Variants in MAP4K4 observed in about 807,000 individuals in gnomAD.
The protein encoded by MAP4K4 is HPK/GCK-like kinase HGK.
In MAP4K4, 38 loss-of-function variants were observed where a neutral mutation model predicts 189.6. That is an observed-to-expected ratio of 0.20 (90% confidence interval 0.15 to 0.26). The LOEUF is 0.26. Among genes scored for constraint, MAP4K4 ranks in the 10% least tolerant of loss-of-function variants. The pLI is 1.00. For synonymous variants in MAP4K4, 610 were observed against 624.3 expected (o/e 0.98, Z 0.34); for missense variants, 1,054 against 1,726.9 (o/e 0.61, Z 6.91).
At chr2:101,736,528 A>G (rs1024871904) in intron 2 of MAP4K4, among the ~76,000 whole-genome samples, 1 of 152,206 alleles carries the variant, frequency 6.6e-6, no homozygotes. Context: ...TTAGTAATGG[A>G]GAGGGATCAC....
At chr2:101,843,102 GT>G (rs1316153786) in intron 11 of MAP4K4, among the ~76,000 whole-genome samples, 1 of 152,210 alleles carries the variant, frequency 6.6e-6, no homozygotes, top group Non-Finnish European at 1.5e-5. Flanking sequence ...TACAGTCTGT[GT>G]TTTAGTTTAT....
chr2:101,709,330 G>A (rs2044126199), intron 2 of MAP4K4, among the ~76,000 whole-genome samples: 1 of 152,198 alleles, frequency 6.6e-6, no homozygotes, highest in South Asian at 2.1e-4. Context: ...AGACTCCCAA[G>A]TAGCTGAGAT....
At chr2:101,860,723 C>A in intron 15 of MAP4K4, 102 bp from the exon 16 acceptor site, 1 of 1,017,040 alleles carries the variant, frequency 9.8e-7, no homozygotes, top group Non-Finnish European at 1.4e-6. Flanking sequence ...CAGAAGAAAA[C>A]AGAAAACTTA....
chr2:101,715,197 G>A (rs1207189212), intron 2 of MAP4K4, among the ~76,000 whole-genome samples: 1 of 152,134 alleles, frequency 6.6e-6, no homozygotes, highest in Non-Finnish European at 1.5e-5. Context: ...CTTGCCTTTT[G>A]TGCACCCCTC....
At chr2:101,752,103 G>A (rs2149992450) in intron 2 of MAP4K4, among the ~76,000 whole-genome samples, 1 of 152,284 alleles carries the variant, frequency 6.6e-6, no homozygotes, top group Middle Eastern at 3.4e-3. Flanking sequence ...CGGTGTTTCA[G>A]TTCCCTATTT....
At chr2:101,736,371 T>TG (rs1397033331) in intron 2 of MAP4K4, among the ~76,000 whole-genome samples, 3 of 152,216 alleles carry the variant, frequency 2.0e-5, no homozygotes, top group Non-Finnish European at 4.4e-5. Flanking sequence ...CTTGCCCATC[T>TG]CCTGCCTGCC....
intron 2 of MAP4K4, among the ~76,000 whole-genome samples, chr2:101,752,527 A>G (rs2069644730): frequency 6.6e-6 from 1 of 152,156 alleles, no homozygotes; most frequent in African/African-American, 2.4e-5. Flanking sequence ...ATCATAGCTA[A>G]GCTCACCCTG....
At position 101,868,018 on chromosome 2, in the gene MAP4K4, C is replaced by G. The variant is rs1170590932; in HGVS notation, c.2455-11C>G. The G allele has an allele frequency of 1.9e-6, 3 of 1,613,366 alleles. No individual in the cohort carries two copies. The highest frequency in any genetic ancestry group is 2.2e-5 in the East Asian group (1 of 44,872). On this transcript the variant is annotated splice_polypyrimidine_tract_variant and intron_variant, in intron 20 of 32. Coordinates refer to ENST00000324219, the Ensembl canonical transcript of MAP4K4. ...GCTTCTCGGACTCCACGAAACTGCG[C>G]TGTACTGAAGGGCGAAGTGGTAAGC...
At chr2:101,879,058 G>T (rs1327213425) in intron 27 of MAP4K4, among the ~76,000 whole-genome samples, 2 of 151,856 alleles carry the variant, frequency 1.3e-5, no homozygotes, top group Non-Finnish European at 2.9e-5. Context: ...GACCAGGTGC[G>T]GTGGCGTATG....
At chr2:101,771,868 A>G (rs555179625) in intron 2 of MAP4K4, among the ~76,000 whole-genome samples, 1 of 152,328 alleles carries the variant, frequency 6.6e-6, no homozygotes, top group South Asian at 2.1e-4. Flanking sequence ...CAAAATCCCT[A>G]CATAATTTGC....
chr2:101,779,974 C>G (rs72989333), intron 2 of MAP4K4, among the ~76,000 whole-genome samples: 1 of 152,066 alleles, frequency 6.6e-6, no homozygotes, highest in Admixed American at 6.6e-5. Flanking sequence ...TCTTCTAAAC[C>G]GTGCTACTGG....
At chr2:101,810,946 T>C (rs1157594874) in intron 3 of MAP4K4, among the ~76,000 whole-genome samples, 1 of 152,220 alleles carries the variant, frequency 6.6e-6, no homozygotes, top group Non-Finnish European at 1.5e-5. Flanking sequence ...GACGGTGCCT[T>C]ATGCACACTG....
At chr2:101,833,249 C>A (rs1031682922) in intron 7 of MAP4K4, among the ~76,000 whole-genome samples, 127 of 152,158 alleles carry the variant, frequency 8.3e-4, no homozygotes, top group African/African-American at 2.9e-3. Flanking sequence ...GTTAAGATAG[C>A]ATATAAACAA....
chr2:101,805,074 A>C (rs1471593101), intron 3 of MAP4K4, among the ~76,000 whole-genome samples: 1 of 79,918 alleles, frequency 1.3e-5, no homozygotes, highest in African/African-American at 1.0e-4. Context: ...CTCCAGATCA[A>C]AAAAAAAAAA....
chr2:101,792,466 CTCT>C (rs1317660186), intron 3 of MAP4K4, among the ~76,000 whole-genome samples: 7 of 152,122 alleles, frequency 4.6e-5, no homozygotes, highest in African/African-American at 1.7e-4. Flanking sequence ...CTCTGTAGAG[CTCT>C]TCTTCACCGA....
At chr2:101,858,491 A>G (rs181272616) in intron 13 of MAP4K4, among the ~76,000 whole-genome samples, 1 of 152,180 alleles carries the variant, frequency 6.6e-6, no homozygotes, top group African/African-American at 2.4e-5. Context: ...TAGTCATTCC[A>G]GGTGCCTTTG....
intron 2 of MAP4K4, among the ~76,000 whole-genome samples, chr2:101,706,550 A>G (rs558505469): frequency 9.8e-5 from 15 of 152,366 alleles, no homozygotes; most frequent in African/African-American, 3.4e-4. Context: ...AAAAGGTATA[A>G]CAAATGCCTA....
chr2:101,790,647 T>C lies in MAP4K4; in HGVS notation c.124-73T>C. 1.2e-5 allele frequency: 13 copies of C among 1,054,266 alleles called. 1 individual carries two copies. In the South Asian group the frequency reaches 1.7e-4, roughly 14 times the overall value. 65.3% of individuals were successfully genotyped at this position (1,054,266 alleles called of 1,614,324 possible). ...AGTTGAGATACGATTTGTTGGAAACTTCAGCCATTTTGTTCTAATGATTGT... is the reference window on the plus strand; with the variant it reads ...AGTTGAGATACGATTTGTTGGAAACCTCAGCCATTTTGTTCTAATGATTGT... On this transcript the variant is annotated intron_variant, in intron 2 of 32. Transcript: ENST00000324219.
At chr2:101,869,640 A>G (rs2150017898) in exon 22 of MAP4K4, 1 of 1,610,376 alleles carries the variant, frequency 6.2e-7, no homozygotes, top group East Asian at 2.2e-5. Context: ...CGCACTGGCC[A>G]AAGAGCTTCG....
Sources: allele counts gnomAD v4.1 joint callset (sites outside exome capture counted in the v4.1 genomes callset), GRCh38; gene constraint gnomAD v4.1.1; transcripts MANE v1.5; gene names NCBI Gene and HGNC (gene_info 2026-07-23, HGNC 2026-07-21).